Variants in SYMPK observed in about 807,000 individuals in gnomAD.
The protein encoded by SYMPK is symplekin scaffold protein.
Under a neutral mutation model 136.4 loss-of-function variants are expected in SYMPK, and 49 were observed. That is an observed-to-expected ratio of 0.36 (90% confidence interval 0.29 to 0.46). The LOEUF (loss-of-function observed/expected upper bound fraction) is 0.46, where lower values mean the gene tolerates loss of function less well. Ranked by LOEUF, SYMPK falls within the 20% of genes least tolerant of loss-of-function variation. The pLI is 1.00. For missense variants in SYMPK, 1,365 were observed against 1,690.0 expected, an observed-to-expected ratio of 0.81 and a Z score of 3.37; for synonymous variants, 766 against 713.0, an observed-to-expected ratio of 1.07 and a Z score of -1.19.
chr19:45,835,023 C>G, intron 11 of SYMPK, 55 bp downstream of exon 11: 1 of 1,448,056 alleles, frequency 6.9e-7, no homozygotes. Flanking sequence ...GTAAGGAGAA[C>G]CCAGAAGCCA....
At position 45,844,027 on chromosome 19, in the gene SYMPK, T is replaced by C. The variant is rs769519455; in HGVS notation, c.847+3A>G. 7 of 1,332,988 alleles carry C rather than the reference T, an allele frequency of 5.3e-6. No individual in the cohort carries two copies. Among genetic ancestry groups the C allele is most frequent in the Non-Finnish European group, 6.9e-6 (7 of 1,010,374 alleles). 82.6% of individuals were successfully genotyped at this position (1,332,988 alleles called of 1,614,324 possible). A position where few individuals can be genotyped will look rare whatever the true frequency, so the allele number is the denominator to read the frequency against. On this transcript the variant is annotated splice_donor_region_variant and intron_variant, in intron 8 of 26. Coordinates refer to ENST00000245934, the MANE Select transcript of SYMPK (RefSeq NM_004819.3). ...AGGGGGAGGGGGGAGGACAATGACCTACCATGCAGAGTTTCATAGGCCTGG... is the reference window on the plus strand; with the variant it reads ...AGGGGGAGGGGGGAGGACAATGACCCACCATGCAGAGTTTCATAGGCCTGG...
At chr19:45,851,929 A>C (rs901966508) in intron 5 of SYMPK, among the ~76,000 whole-genome samples, 7 of 152,230 alleles carry the variant, frequency 4.6e-5, no homozygotes, top group Non-Finnish European at 8.8e-5. Context: ...TTGTTATATG[A>C]ATTTCAATTT....
At position 45,831,998 on chromosome 19, in the gene SYMPK, T is replaced by C. The variant is rs577445760; in HGVS notation, c.1394-410A>G. Among the ~76,000 whole-genome samples the C allele has an allele frequency of 7.3e-4, 111 of 151,656 alleles. 1 individual carries two copies. Among genetic ancestry groups the C allele is most frequent in the Non-Finnish European group, 1.3e-3 (85 of 67,862 alleles). On this transcript the variant is annotated intron_variant, in intron 11 of 26. Transcript: ENST00000245934. ...CTGGGACTACAGGCGCATGCCAACA[T>C]ACCTAGCTAATTTTTGTATTTTTTT...
intron 7 of SYMPK, among the ~76,000 whole-genome samples, chr19:45,845,144 ACT>A (rs1161327761): frequency 6.7e-6 from 1 of 148,916 alleles, no homozygotes; most frequent in Non-Finnish European, 1.5e-5. Context: ...ATGGGGTCTC[ACT>A]CTGTCACCCA....
intron 12 of SYMPK, 143 bp downstream of exon 12, chr19:45,831,239 CAG>C (rs533823902): frequency 4.3e-4 from 217 of 508,410 alleles, no homozygotes; most frequent in South Asian, 7.8e-4. Context: ...ACTCGGGAGT[CAG>C]AGAGAACCTA....
chr19:45,816,037 G>C lies in SYMPK; in HGVS notation c.3501C>G (p.Pro1167=). The change falls in exon 26 of 27, where the codon CCC becomes CCG. Residue 1167 remains proline, a synonymous_variant. Coordinates refer to ENST00000245934, the MANE Select transcript of SYMPK (RefSeq NM_004819.3). ...GAGAGGGAGAGGGGGAGGAAGAGGAGGGGGCTCCCACTCCTCCCGGCTTCA... is the reference window on the plus strand; with the variant it reads ...GAGAGGGAGAGGGGGAGGAAGAGGACGGGGCTCCCACTCCTCCCGGCTTCA... ...QKLKPGGVGA[P]SSSSPSPSPS... The C allele has an allele frequency of 6.3e-7, 1 of 1,580,004 alleles. No individual in the cohort carries two copies. The highest frequency in any genetic ancestry group is 8.6e-7 in the Non-Finnish European group (1 of 1,162,808).
intron 7 of SYMPK, among the ~76,000 whole-genome samples, chr19:45,846,148 A>G (rs1344454346): frequency 6.6e-6 from 1 of 152,218 alleles, no homozygotes; most frequent in African/African-American, 2.4e-5. Context: ...AGGCAGGAGA[A>G]TGGCGTGAAC....
intron 7 of SYMPK, among the ~76,000 whole-genome samples, chr19:45,844,907 G>A (rs1029482907): frequency 6.6e-6 from 1 of 152,040 alleles, no homozygotes; most frequent in Non-Finnish European, 1.5e-5. Flanking sequence ...ATTTTAATGG[G>A]TATATAGTAG....
At chr19:45,827,335 G>A (rs1043906796) in intron 16 of SYMPK, among the ~76,000 whole-genome samples, 175 bp downstream of exon 16, 2 of 136,250 alleles carry the variant, frequency 1.5e-5, no homozygotes, top group African/African-American at 2.8e-5. Context: ...GCAGCTTGAT[G>A]CCACTGAAAA....
intron 5 of SYMPK, 130 bp from the exon 6 acceptor site, chr19:45,849,006 G>A (rs1971632833): frequency 9.0e-7 from 1 of 1,112,716 alleles, no homozygotes; most frequent in African/African-American, 1.5e-5. Flanking sequence ...TCCAGAAGCT[G>A]GGAACAGTGC....
intron 1 of SYMPK, chr19:45,855,534 CATATAA>C (rs1044089858): frequency 5.3e-5 from 8 of 151,502 alleles, no homozygotes; most frequent in Admixed American, 1.3e-4. Flanking sequence ...AAGTGAAAAA[CATATAA>C]ATATAAATAA....
At position 45,831,518 on chromosome 19, in the gene SYMPK, C is replaced by T. The variant is rs762649568; in HGVS notation, c.1464G>A (p.Leu488=). Residue 488 remains leucine, a synonymous_variant, in exon 12 of 27, where the codon CTG becomes CTA. Coordinates refer to ENST00000245934, the MANE Select transcript of SYMPK (RefSeq NM_004819.3). ...EEKVVKTESV[L]IKRRLSAQGQ... ...CCTGGGCTGACAGGCGCCGCTTGAT[C>T]AGGACGCTCTCTGTCTTCACCACCT... 1.6e-5 allele frequency: 26 copies of T among 1,611,448 alleles called. No homozygotes were observed. Among genetic ancestry groups the T allele is most frequent in the Non-Finnish European group, 2.2e-5 (26 of 1,179,090 alleles).
rs960087655 is a variant in SYMPK, at chr19:45,823,562, G to C, written c.2600-90C>G. 3.3e-5 allele frequency: 42 copies of C among 1,273,964 alleles called. No homozygotes were observed. In the African/African-American group the frequency reaches 5.9e-4, roughly 18 times the overall value. The allele number at this position is 1,273,964 out of a possible 1,614,324, so 78.9% of individuals were successfully genotyped here. On this transcript the variant is annotated intron_variant, in intron 19 of 26. Transcript: ENST00000245934. ...CCAGGAAAGAGAAGCAGGCAGGTGT[G>C]CAGGAAGGGATGGCAACTTCACCCT...
intron 5 of SYMPK, among the ~76,000 whole-genome samples, chr19:45,850,985 A>C (rs1216432370): frequency 6.6e-6 from 1 of 151,988 alleles, no homozygotes; most frequent in African/African-American, 2.4e-5. Context: ...CAGGAACAGC[A>C]AGCAGACAGG....
Position 45,823,122 on chromosome 19 carries a change from C to A in SYMPK, c.2700+250G>T, listed in dbSNP as rs892372835. ...AGTCTCAAAGAGGGGAAGGGACCTG[C>A]TTGAGGTAGAGGAGGAAGCAGCAGA... On this transcript the variant is annotated intron_variant, in intron 20 of 26. Transcript: ENST00000245934. 3.9e-5 allele frequency among the ~76,000 whole-genome samples: 6 copies of A among 152,176 alleles called. No homozygotes were observed. In the East Asian group the frequency reaches 1.2e-3, roughly 29 times the overall value.
intron 9 of SYMPK, among the ~76,000 whole-genome samples, chr19:45,840,238 C>T (rs1481197758): frequency 2.0e-5 from 3 of 147,074 alleles, no homozygotes; most frequent in Admixed American, 1.4e-4. Context: ...TCTCTTAAAC[C>T]TGGGAGGCGG....
At chr19:45,838,679 G>C (rs1474326750) in intron 9 of SYMPK, 64 bp from the exon 10 acceptor site, 3 of 1,534,754 alleles carry the variant, frequency 2.0e-6, no homozygotes, top group Non-Finnish European at 2.6e-6. Flanking sequence ...CCATCCTTCC[G>C]GGGTGCCCGG....
At chr19:45,859,201 T>C (rs1015219606) in intron 1 of SYMPK, among the ~76,000 whole-genome samples, 4 of 151,832 alleles carry the variant, frequency 2.6e-5, no homozygotes, top group African/African-American at 9.7e-5. Context: ...CCCCAATCAC[T>C]GGGTTCAGTA....
chr19:45,834,329 T>C (rs1397117375), intron 11 of SYMPK, among the ~76,000 whole-genome samples: 1 of 147,598 alleles, frequency 6.8e-6, no homozygotes, highest in African/African-American at 2.5e-5. Context: ...CGTGGTGGCA[T>C]GTGCCTGTAG....
Sources: allele counts gnomAD v4.1 joint callset (sites outside exome capture counted in the v4.1 genomes callset), GRCh38; gene constraint gnomAD v4.1.1; transcripts MANE v1.5; gene names NCBI Gene and HGNC (gene_info 2026-07-23, HGNC 2026-07-21).